The following TFAP2D variants were observed in gnomAD, a reference collection of about 807,000 sequenced individuals.
TFAP2D encodes transcription factor AP-2-delta.
In TFAP2D, 9 loss-of-function variants were observed where a neutral mutation model predicts 43.6. The observed-to-expected ratio is 0.21, with a 90% CI of 0.12 to 0.36. TFAP2D has a LOEUF of 0.36. TFAP2D is among the 10% of genes least tolerant of loss of function. TFAP2D has a pLI of 1.00. For synonymous variants in TFAP2D, 256 were observed against 224.9 expected (o/e 1.14, Z -1.24); for missense variants, 513 against 561.4 (o/e 0.91, Z 0.87).
intron 7 of TFAP2D, among the ~76,000 whole-genome samples, chr6:50,764,145 T>A (rs900861260): frequency 2.0e-5 from 3 of 152,176 alleles, no homozygotes; most frequent in African/African-American, 7.2e-5. Flanking sequence ...ATGTCCCATC[T>A]TCCAGGATTT....
intron 1 of TFAP2D, 151 bp downstream of exon 1, chr6:50,714,245 G>A (rs773636396): frequency 3.2e-6 from 3 of 944,694 alleles, no homozygotes; most frequent in Non-Finnish European, 4.7e-6. Flanking sequence ...TTCGGGGGAA[G>A]TTAAGGAAGG....
chr6:50,746,564 C>A (rs1349852995), intron 6 of TFAP2D, among the ~76,000 whole-genome samples: 3 of 152,074 alleles, frequency 2.0e-5, no homozygotes, highest in Non-Finnish European at 2.9e-5. Flanking sequence ...AAGAGAAAAT[C>A]TAGGGCAGAG....
At chr6:50,722,291 G>C (rs564275162) in intron 3 of TFAP2D, among the ~76,000 whole-genome samples, 85 of 152,260 alleles carry the variant, frequency 5.6e-4, no homozygotes, top group Middle Eastern at 3.4e-3. Context: ...CTCGCGTATC[G>C]ATAGCTTCTT....
At chr6:50,743,102 T>C (rs754197145) in intron 5 of TFAP2D, among the ~76,000 whole-genome samples, 39 of 152,182 alleles carry the variant, frequency 2.6e-4, no homozygotes, top group Middle Eastern at 3.4e-3. Context: ...CCCTTCCATT[T>C]AGTTACATCA....
At chr6:50,749,826 G>A (rs1769176669) in intron 6 of TFAP2D, among the ~76,000 whole-genome samples, 1 of 151,908 alleles carries the variant, frequency 6.6e-6, no homozygotes, top group African/African-American at 2.4e-5. Flanking sequence ...TTCAGATGCT[G>A]TATCTCAGAG....
chr6:50,739,643 A>G (rs373250683), intron 5 of TFAP2D, among the ~76,000 whole-genome samples: 1 of 152,064 alleles, frequency 6.6e-6, no homozygotes, highest in Non-Finnish European at 1.5e-5. Context: ...TCTATTTTTC[A>G]TAGGTTTTTC....
At chr6:50,724,846 TA>T (rs1180354396) in intron 3 of TFAP2D, among the ~76,000 whole-genome samples, 1 of 151,688 alleles carries the variant, frequency 6.6e-6, no homozygotes, top group Admixed American at 6.6e-5. Flanking sequence ...GTTGTTTTTT[TA>T]AAAAAAAGTG....
intron 5 of TFAP2D, among the ~76,000 whole-genome samples, chr6:50,741,423 G>A (rs890635938): frequency 6.6e-5 from 10 of 151,876 alleles, no homozygotes; most frequent in African/African-American, 1.5e-4. Flanking sequence ...TATTTTTCCC[G>A]ATCTCTCTCC....
intron 7 of TFAP2D, among the ~76,000 whole-genome samples, chr6:50,767,466 A>G (rs1213012847): frequency 1.3e-5 from 2 of 152,128 alleles, no homozygotes; most frequent in East Asian, 3.9e-4. Context: ...GTTTAGCCTC[A>G]CCTGTTTTCT....
At chr6:50,716,431 A>C (rs1423826881) in intron 2 of TFAP2D, among the ~76,000 whole-genome samples, 2 of 150,708 alleles carry the variant, frequency 1.3e-5, no homozygotes, top group Non-Finnish European at 3.0e-5. Flanking sequence ...AAAGAGGGAA[A>C]AAATAAAGAA....
At position 50,766,664 on chromosome 6, in the gene TFAP2D, T is replaced by TTTTC. The variant is rs1769447362; in HGVS notation, c.1140-5978_1140-5977insCTTT. On this transcript the variant is annotated intron_variant, in intron 7 of 7. Transcript: ENST00000008391. ...CCATGAGATTGCTTTCTTTTTTTTT[T>TTTTC]TTTTTTTTTTTTTTTGAGACGGAGT... 2.4e-5 allele frequency among the ~76,000 whole-genome samples: 2 copies of TTTTC among 84,226 alleles called. 1 individual carries two copies. The highest frequency in any genetic ancestry group is 4.7e-5 in the Non-Finnish European group (2 of 42,694). 55.3% of individuals were successfully genotyped at this position (84,226 alleles called of 152,430 possible).
chr6:50,721,516 C>G (rs938856744), intron 3 of TFAP2D, among the ~76,000 whole-genome samples: 1 of 152,142 alleles, frequency 6.6e-6, no homozygotes, highest in Admixed American at 6.5e-5. Context: ...CTGCAGCCTG[C>G]CCAGCCCCTC....
intron 3 of TFAP2D, 131 bp downstream of exon 3, chr6:50,719,281 T>A: frequency 1.0e-6 from 1 of 953,004 alleles, no homozygotes; most frequent in Non-Finnish European, 1.6e-6. Context: ...TCAATTATTC[T>A]AGTCCAACAC....
chr6:50,715,720 TC>T, intron 2 of TFAP2D, 107 bp downstream of exon 2: 2 of 922,430 alleles, frequency 2.2e-6, no homozygotes, highest in South Asian at 1.7e-5. Context: ...CTCTCTCTTC[TC>T]CTCTCTCTCT....
intron 7 of TFAP2D, among the ~76,000 whole-genome samples, chr6:50,766,446 T>TGCAA (rs1769442295): frequency 6.6e-6 from 1 of 152,036 alleles, no homozygotes; most frequent in African/African-American, 2.4e-5. Context: ...ATAGATTGGT[T>TGCAA]TTAGTATGGA....
intron 5 of TFAP2D, among the ~76,000 whole-genome samples, chr6:50,737,578 GA>G (rs1245197951): frequency 6.6e-6 from 1 of 152,098 alleles, no homozygotes; most frequent in African/African-American, 2.4e-5. Context: ...CCTCCCAGAA[GA>G]AAACAAATGT....
At position 50,715,127 on chromosome 6, in the gene TFAP2D, C is replaced by G; in HGVS notation, c.51C>G (p.Asp17Glu). The G allele has an allele frequency of 6.2e-7, 1 of 1,613,904 alleles. No individual in the cohort carries two copies. The highest frequency in any genetic ancestry group is 8.5e-7 in the Non-Finnish European group (1 of 1,179,872). Residue 17 changes from aspartate (D) to glutamate (E), a missense_variant, in exon 2 of 8, where the codon GAC becomes GAG. By Grantham distance (45) the Asp-to-Glu change is conservative. Around this residue, in one of 3 missense-constraint regions of TFAP2D, gnomAD observed 311 missense variants for 316.2 expected, o/e 0.98. Transcript: ENST00000008391. ...GLVHDAEIRH[D>E]GSNSYRLMQL... ...CCTCTTCCTTCCAGATACGTCACGA[C>G]GGATCAAACAGCTACCGTTTGATGC...
chr6:50,734,300 G>C (rs1010929663), intron 5 of TFAP2D, among the ~76,000 whole-genome samples: 1 of 151,880 alleles, frequency 6.6e-6, no homozygotes, highest in South Asian at 2.1e-4. Flanking sequence ...TTTTGAAGTA[G>C]GGCCTGACTT....
intron 6 of TFAP2D, among the ~76,000 whole-genome samples, chr6:50,747,814 C>A (rs1462102723): frequency 6.6e-6 from 1 of 151,902 alleles, no homozygotes; most frequent in East Asian, 1.9e-4. Context: ...CGTATTTGAC[C>A]AGGTAGTAGT....
Sources: gnomAD v4.1 joint callset for allele counts (sites outside exome capture counted in the v4.1 genomes callset) on GRCh38, gnomAD v4.1.1 for gene constraint, gnomAD v4.1.1 regional missense constraint, MANE v1.5 for transcripts, NCBI Gene and HGNC (gene_info 2026-07-23, HGNC 2026-07-21) for gene names.